The following KATNAL2 variants were observed in gnomAD, a reference collection of about 807,000 sequenced individuals.
KATNAL2 encodes katanin catalytic subunit A1 like 2.
A neutral mutation model predicts 76.3 loss-of-function variants in KATNAL2; 52 were observed. That is an observed-to-expected ratio of 0.68 (90% CI 0.55 to 0.86). The LOEUF is 0.86. Among genes scored for constraint, KATNAL2 ranks in the 40% least tolerant of loss-of-function variants. The probability of loss-of-function intolerance (pLI) is 0.00; values close to 1 mark genes in which losing one functional copy is unlikely to be tolerated. For missense variants in KATNAL2, 660 were observed against 668.9 expected (o/e 0.99, Z 0.15); for synonymous variants, 243 against 244.2 (o/e 1.00, Z 0.05).
chr18:47,094,640 G>C (rs992353767), intron 15 of KATNAL2, among the ~76,000 whole-genome samples: 2 of 152,210 alleles, frequency 1.3e-5, no homozygotes, highest in African/African-American at 4.8e-5. Context: ...CTGGGTTACT[G>C]TGTTGGGGAA....
intron 1 of KATNAL2, among the ~76,000 whole-genome samples, chr18:46,930,977 C>G (rs570023896): frequency 3.3e-4 from 50 of 151,992 alleles, no homozygotes; most frequent in Admixed American, 2.8e-3. Flanking sequence ...GTGGCACACG[C>G]CTGTAGTCCT....
chr18:47,085,770 T>C (rs770483637), intron 15 of KATNAL2, among the ~76,000 whole-genome samples: 3 of 151,676 alleles, frequency 2.0e-5, no homozygotes, highest in African/African-American at 2.4e-5. Context: ...TTTATTCAAC[T>C]CTTTTTTTAT....
chr18:47,037,771 A>C (rs1424637446), intron 3 of KATNAL2, among the ~76,000 whole-genome samples: 1 of 152,172 alleles, frequency 6.6e-6, no homozygotes, highest in Non-Finnish European at 1.5e-5. Flanking sequence ...TCTTACCACA[A>C]AATAAAAATC....
intron 15 of KATNAL2, among the ~76,000 whole-genome samples, chr18:47,096,750 A>G (rs1379303678): frequency 1.3e-5 from 2 of 152,260 alleles, no homozygotes; most frequent in Non-Finnish European, 2.9e-5. Context: ...ATGGTAATTT[A>G]GAGTAACCAA....
chr18:47,100,128 A>T, intron 16 of KATNAL2, 126 bp from the exon 17 acceptor site: 1 of 635,806 alleles, frequency 1.6e-6, no homozygotes, highest in Non-Finnish European at 2.8e-6. Context: ...GAATCTTTTT[A>T]GGATGTTCAT....
Position 46,939,338 on chromosome 18 carries a change from T to TA in KATNAL2, c.-509-6705dup, listed in dbSNP as rs11313068. On this transcript the variant is annotated intron_variant, in intron 1 of 17. Transcript: ENST00000683218. ...GCAGAATGAGACTGCATCTCACAAT[T>TA]AAAAAAAAAAAAAAGAAAAGAAAAG... 3.8e-3 allele frequency among the ~76,000 whole-genome samples: 541 copies of TA among 142,782 alleles called. 2 individuals carry two copies. Among genetic ancestry groups the TA allele is most frequent in the South Asian group, 0.018 (80 of 4,362 alleles). The allele number at this position is 142,782 out of a possible 152,430, so 93.7% of individuals were successfully genotyped here.
At chr18:46,965,590 C>CCCCG (rs2060102607) in intron 3 of KATNAL2, among the ~76,000 whole-genome samples, 1 of 96,976 alleles carries the variant, frequency 1.0e-5, no homozygotes, top group African/African-American at 4.3e-5. Flanking sequence ...CGCCCCCCCC[C>CCCCG]CCCCGCCCCC....
At chr18:46,921,320 G>C (rs552094865) in intron 1 of KATNAL2, among the ~76,000 whole-genome samples, 3 of 152,266 alleles carry the variant, frequency 2.0e-5, no homozygotes, top group African/African-American at 7.2e-5. Context: ...TAGAGATGGG[G>C]TTTCACCGTC....
At chr18:47,045,978 CT>C (rs1468553603) in intron 3 of KATNAL2, among the ~76,000 whole-genome samples, 14 of 152,204 alleles carry the variant, frequency 9.2e-5, no homozygotes, top group African/African-American at 2.9e-4. Context: ...GCAGTCACCC[CT>C]GAATGGTTTG....
At chr18:46,960,224 G>C (rs2059894827) in intron 3 of KATNAL2, among the ~76,000 whole-genome samples, 1 of 152,096 alleles carries the variant, frequency 6.6e-6, no homozygotes, top group South Asian at 2.1e-4. Context: ...ATCACCTGAA[G>C]GTCAGGCATT....
chr18:47,046,410 A>G lies in KATNAL2; in HGVS notation c.52-47A>G, dbSNP rs1443922348. ...TTCCAGGGTTTATTGCCGTAGGAGC[A>G]GTGTTATTTTTTGTTGTCATCCTAC... On this transcript the variant is annotated intron_variant, in intron 3 of 17. Transcript: ENST00000683218. The G allele has an allele frequency of 2.5e-6, 3 of 1,221,614 alleles. No individual in the cohort carries two copies. The Admixed American group carries it at 5.9e-5, about 24-fold the overall frequency. 75.7% of individuals were successfully genotyped at this position (1,221,614 alleles called of 1,614,324 possible). A position where few individuals can be genotyped will look rare whatever the true frequency, so the allele number is the denominator to read the frequency against.
Position 46,921,150 on chromosome 18 carries a change from C to T in KATNAL2, c.-510+3224C>T, listed in dbSNP as rs563010840. ...TTGTTTCTGTTTTTGCTTTTTGGGACGGAGTCTCGCTCTGTTGCCCAGTCT... is the reference window on the plus strand; with the variant it reads ...TTGTTTCTGTTTTTGCTTTTTGGGATGGAGTCTCGCTCTGTTGCCCAGTCT... On this transcript the variant is annotated intron_variant, in intron 1 of 17. Coordinates refer to ENST00000683218, the MANE Select transcript of KATNAL2 (RefSeq NM_001387690.1). Among the ~76,000 whole-genome samples the T allele has an allele frequency of 1.4e-4, 21 of 152,252 alleles. No individual in the cohort carries two copies. The South Asian group carries it at 3.9e-3, about 29-fold the overall frequency.
At chr18:47,089,308 T>C (rs1354039704) in intron 15 of KATNAL2, among the ~76,000 whole-genome samples, 1 of 152,210 alleles carries the variant, frequency 6.6e-6, no homozygotes, top group Non-Finnish European at 1.5e-5. Context: ...TAAGGGACTG[T>C]ATAACAAGAG....
At chr18:46,931,708 GAGAA>G (rs2058928120) in intron 1 of KATNAL2, among the ~76,000 whole-genome samples, 2 of 147,554 alleles carry the variant, frequency 1.4e-5, no homozygotes, top group African/African-American at 2.5e-5. Context: ...GGAAGAGAGA[GAGAA>G]AGAGAGAAAA....
chr18:47,079,488 G>A (rs986189278), intron 15 of KATNAL2, among the ~76,000 whole-genome samples: 5 of 150,792 alleles, frequency 3.3e-5, no homozygotes, highest in South Asian at 2.1e-4. Context: ...TCTGCCTCCC[G>A]GGTTCAAGCC....
intron 3 of KATNAL2, among the ~76,000 whole-genome samples, chr18:46,951,420 T>C (rs2059550302): frequency 6.6e-6 from 1 of 151,906 alleles, no homozygotes; most frequent in South Asian, 2.1e-4. Context: ...TTTTTTTTTT[T>C]TTTTTTTACT....
intron 3 of KATNAL2, among the ~76,000 whole-genome samples, chr18:47,045,126 G>T (rs1465427460): frequency 6.6e-6 from 1 of 151,022 alleles, no homozygotes; most frequent in African/African-American, 2.4e-5. Context: ...GAAAAAAAAT[G>T]GTTAAAATGG....
chr18:46,961,496 G>A (rs1251357348), intron 3 of KATNAL2, among the ~76,000 whole-genome samples: 1 of 152,198 alleles, frequency 6.6e-6, no homozygotes, highest in Non-Finnish European at 1.5e-5. Flanking sequence ...ATTTGTAGGA[G>A]CAAGGGTAAT....
At chr18:47,085,835 GC>G (rs1237552714) in intron 15 of KATNAL2, among the ~76,000 whole-genome samples, 1 of 152,106 alleles carries the variant, frequency 6.6e-6, no homozygotes, top group Non-Finnish European at 1.5e-5. Context: ...GGGAATGGTG[GC>G]TTATGCTTGT....
Sources: gnomAD v4.1 joint callset for allele counts (sites outside exome capture counted in the v4.1 genomes callset) on GRCh38, gnomAD v4.1.1 for gene constraint, MANE v1.5 for transcripts, NCBI Gene and HGNC (gene_info 2026-07-23, HGNC 2026-07-21) for gene names.